Variants in CHCHD5 observed in about 807,000 individuals in gnomAD.
CHCHD5 encodes the protein coiled-coil-helix-coiled-coil-helix domain containing 5.
A neutral mutation model predicts 16.0 loss-of-function variants in CHCHD5; 10 were observed. That is an observed-to-expected ratio of 0.63 (90% CI 0.39 to 1.06). CHCHD5 has a LOEUF of 1.06. Among genes scored for constraint, CHCHD5 ranks in the 50% least tolerant of loss-of-function variants. The probability of loss-of-function intolerance (pLI) is 0.01; values close to 1 mark genes in which losing one functional copy is unlikely to be tolerated. For missense variants in CHCHD5, 163 were observed against 153.4 expected (o/e 1.06, Z -0.33); for synonymous variants, 55 against 56.3 (o/e 0.98, Z 0.10).
In CHCHD5 at chr2:112,588,731, G is replaced by T. The variant is rs1030815263; in HGVS notation, c.310-135G>T. ...AGCTGACTTTTTCACATGGCTCAGGGCCAAGGTCATTGCCCAACACCCTTC... is the reference window on the plus strand; with the variant it reads ...AGCTGACTTTTTCACATGGCTCAGGTCCAAGGTCATTGCCCAACACCCTTC... On this transcript the variant is annotated intron_variant, in intron 3 of 3. Transcript: ENST00000324913. The T allele has an allele frequency of 8.5e-6, 6 of 702,676 alleles. No individual in the cohort carries two copies. The Admixed American group carries it at 1.3e-4, about 15-fold the overall frequency. 43.5% of individuals were successfully genotyped at this position (702,676 alleles called of 1,614,324 possible). A position where few individuals can be genotyped will look rare whatever the true frequency, so the allele number is the denominator to read the frequency against.
intron 3 of CHCHD5, 196 bp downstream of exon 3, chr2:112,586,561 A>G (rs1558673388): frequency 2.0e-6 from 3 of 1,517,546 alleles, no homozygotes; most frequent in Non-Finnish European, 2.7e-6. Context: ...CACCACCCTC[A>G]CCCTCCACCT....
At chr2:112,585,248 A>AC (rs1685172657) in intron 1 of CHCHD5, among the ~76,000 whole-genome samples, 1 of 152,030 alleles carries the variant, frequency 6.6e-6, no homozygotes, top group African/African-American at 2.4e-5. Flanking sequence ...AGGACCTGAG[A>AC]CCCCACCTCT....
rs1685158142 is a variant in CHCHD5 at position 112,584,854 on chromosome 2, C to A, written c.2+205C>A. On this transcript the variant is annotated intron_variant, in intron 1 of 3. Transcript: ENST00000324913. Reference sequence around the variant, plus strand: ...CCTCTAAGCGTTTAGGCCTCGCCCCCTCTCGCGCTGCTTAGGACTTCGGTC... The same window carrying A: ...CCTCTAAGCGTTTAGGCCTCGCCCCATCTCGCGCTGCTTAGGACTTCGGTC... 9.8e-6 allele frequency: 6 copies of A among 615,226 alleles called. No individual in the cohort carries two copies. In the Admixed American group the frequency reaches 1.1e-4, roughly 12 times the overall value. The allele number at this position is 615,226 out of a possible 1,614,324, so 38.1% of individuals were successfully genotyped here.
At position 112,586,195 on chromosome 2, in the gene CHCHD5, C is replaced by T. The variant is rs758871972; in HGVS notation, c.144-5C>T. 1.2e-6 allele frequency: 2 copies of T among 1,609,426 alleles called. No individual in the cohort carries two copies. Among genetic ancestry groups the T allele is most frequent in the African/African-American group, 1.3e-5 (1 of 74,962 alleles). On this transcript the variant is annotated splice_polypyrimidine_tract_variant and splice_region_variant and intron_variant, in intron 2 of 3. Coordinates refer to ENST00000324913, the MANE Select transcript of CHCHD5 (RefSeq NM_032309.4). ...CCCAGGGGCTGAACTGCCCTACCCC[C>T]ACAGCCCAATCATCCGCCAGATCCG... is the stretch of plus-strand genomic sequence containing the variant.
At chr2:112,587,250 C>T (rs1685252532) in intron 3 of CHCHD5, 1 of 152,294 alleles carries the variant, frequency 6.6e-6, no homozygotes, top group South Asian at 2.1e-4. Context: ...TCTGCTTCTA[C>T]TTACAAACCT....
rs1685307191 is a variant in CHCHD5 at position 112,589,036 on chromosome 2, C to T, written c.*147C>T. On this transcript the variant is annotated 3_prime_UTR_variant, in exon 4 of 4. Coordinates refer to ENST00000324913, the MANE Select transcript of CHCHD5 (RefSeq NM_032309.4). ...TTCCAATAAATAAAGACTCTGTATA[C>T]TGGGCTTTGATTCCTGCCATCCGTA... The T allele has an allele frequency of 3.1e-6, 2 of 634,928 alleles. No individual in the cohort carries two copies. The highest frequency in any genetic ancestry group is 2.6e-5 in the Admixed American group (1 of 37,870). 39.3% of individuals were successfully genotyped at this position (634,928 alleles called of 1,614,324 possible).
chr2:112,585,709 G>A (rs1312541067), intron 1 of CHCHD5, among the ~76,000 whole-genome samples: 1 of 152,074 alleles, frequency 6.6e-6, no homozygotes, highest in Non-Finnish European at 1.5e-5. Flanking sequence ...TACCAGCCTC[G>A]GCAACATAGC....
intron 3 of CHCHD5, chr2:112,586,597 C>T: frequency 6.7e-7 from 1 of 1,496,068 alleles, no homozygotes; most frequent in Non-Finnish European, 8.9e-7. Flanking sequence ...CAGCCTTCTC[C>T]CTGGTCTCCC....
At chr2:112,585,939 G>A (rs776291220) in intron 1 of CHCHD5, 35 bp from the exon 2 acceptor site, 17 of 1,596,590 alleles carry the variant, frequency 1.1e-5, no homozygotes, top group African/African-American at 2.7e-5. Flanking sequence ...CTTGCCTACT[G>A]CCTGGAATGA....
intron 3 of CHCHD5, 104 bp downstream of exon 3, chr2:112,586,469 A>C (rs775831660): frequency 6.4e-7 from 1 of 1,570,308 alleles, no homozygotes; most frequent in Admixed American, 1.9e-5. Flanking sequence ...GCCCCACCCC[A>C]TCACCACACA....
At chr2:112,584,781 C>G in intron 1 of CHCHD5, 132 bp downstream of exon 1, 5 of 1,134,700 alleles carry the variant, frequency 4.4e-6, no homozygotes, top group Non-Finnish European at 6.4e-6. Context: ...CCTCAGGATT[C>G]AGCGCCTTCG....
Position 112,586,272 on chromosome 2 carries a change from C to G in CHCHD5, c.216C>G (p.Asn72Lys). The change falls in exon 3 of 4, where the codon AAC (asparagine) becomes AAG (lysine). Residue 72 changes from asparagine to lysine, a missense_variant. Physicochemically the swap from Asn to Lys is moderately conservative, Grantham distance 94. Coordinates refer to ENST00000324913, the MANE Select transcript of CHCHD5 (RefSeq NM_032309.4). ...FEAFEECLRQ[N>K]EAAVGNCAEH... ...CCTTCGAGGAGTGTCTTCGACAGAA[C>G]GAGGCAGCTGTGGGCAACTGTGCAG... 6.2e-7 allele frequency: 1 copy of G among 1,614,190 alleles called. No homozygotes were observed. Among genetic ancestry groups the G allele is most frequent in the Non-Finnish European group, 8.5e-7 (1 of 1,180,010 alleles).
rs1468553064 is a variant in CHCHD5 at position 112,586,332 on chromosome 2, G to A, written c.276G>A (p.Gln92=). The A allele has an allele frequency of 1.2e-5, 19 of 1,614,256 alleles. No homozygotes were observed. Among genetic ancestry groups the A allele is most frequent in the Non-Finnish European group, 1.6e-5 (19 of 1,180,044 alleles). ...HMRRFLQCAE[Q]VQPPRSPATV... ...GCCGCTTCCTGCAGTGCGCTGAGCA[G>A]GTGCAGCCGCCACGCTCACCTGCAA... Residue 92 remains glutamine (Q), a synonymous_variant, in exon 3 of 4, where the codon CAG becomes CAA. Transcript: ENST00000324913.
At chr2:112,586,775 C>T (rs1685239554) in intron 3 of CHCHD5, 5 of 571,386 alleles carry the variant, frequency 8.8e-6, no homozygotes, top group Non-Finnish European at 1.2e-5. Context: ...AGGCTGACTT[C>T]ATCTGCCTCC....
intron 1 of CHCHD5, among the ~76,000 whole-genome samples, 165 bp from the exon 2 acceptor site, chr2:112,585,809 G>A (rs925756568): frequency 2.6e-5 from 4 of 152,038 alleles, no homozygotes; most frequent in African/African-American, 9.7e-5. Context: ...GGGGCAGGAA[G>A]ATCACTTGAA....
In CHCHD5 at chr2:112,584,615, C is replaced by G. The variant is rs771347558; in HGVS notation, c.-33C>G. ...ATACCGGAAAAGGCGGGTCGTTCCC[C>G]CCGGACAGCCCTACGCCGGCAAAGG... On this transcript the variant is annotated 5_prime_UTR_variant, in exon 1 of 4. Transcript: ENST00000324913. The G allele has an allele frequency of 6.2e-7, 1 of 1,611,804 alleles. No homozygotes were observed. The highest frequency in any genetic ancestry group is 8.5e-7 in the Non-Finnish European group (1 of 1,179,964).
At chr2:112,585,927 T>G (rs768245457) in intron 1 of CHCHD5, 47 bp from the exon 2 acceptor site, 45 of 1,571,086 alleles carry the variant, frequency 2.9e-5, no homozygotes, top group Non-Finnish European at 3.8e-5. Flanking sequence ...AGAATTCCCT[T>G]GCTTGCCTAC....
intron 2 of CHCHD5, 30 bp from the exon 3 acceptor site, chr2:112,586,170 C>G: frequency 6.2e-7 from 1 of 1,609,880 alleles, no homozygotes; most frequent in Non-Finnish European, 8.5e-7. Context: ...GTGGGAATCT[C>G]CCAGGGGCTG....
rs1287214798 is a variant in CHCHD5 at position 112,586,579 on chromosome 2, A to T, written c.309+214A>T. On this transcript the variant is annotated intron_variant, in intron 3 of 3. Transcript: ENST00000324913. The stretch of plus-strand genomic sequence containing the variant: ...CACCCTCACCCTCCACCTCCAGGAT[A>T]CCTGCCCCAGCCTTCTCCCTGGTCT... 4.0e-6 allele frequency: 6 copies of T among 1,510,812 alleles called. No homozygotes were observed. The East Asian group carries it at 1.5e-4, about 37-fold the overall frequency. The allele number at this position is 1,510,812 out of a possible 1,614,324, so 93.6% of individuals were successfully genotyped here. A position where few individuals can be genotyped will look rare whatever the true frequency, so the allele number is the denominator to read the frequency against.
Sources: gnomAD v4.1 joint callset for allele counts (sites outside exome capture counted in the v4.1 genomes callset) on GRCh38, gnomAD v4.1.1 for gene constraint, MANE v1.5 for transcripts, NCBI Gene and HGNC (gene_info 2026-07-23, HGNC 2026-07-21) for gene names.